NTRK2: variants seen among roughly 807,000 people sequenced by gnomAD.
NTRK2 encodes the protein neurotrophic receptor tyrosine kinase 2, also known as BDNF/NT-3 growth factors receptor.
NTRK2 carries 13 observed loss-of-function variants against 94.5 expected under a neutral mutation model. The observed-to-expected ratio is 0.14, with a 90% CI of 0.09 to 0.22. The LOEUF is 0.22. Ranked by LOEUF, NTRK2 falls within the 10% of genes least tolerant of loss-of-function variation. The pLI, the probability that NTRK2 is intolerant of heterozygous loss-of-function variation, is 1.00. For synonymous variants in NTRK2, 372 were observed against 407.4 expected, an observed-to-expected ratio of 0.91 and a Z score of 1.05; for missense variants, 639 against 1,071.2, an observed-to-expected ratio of 0.60 and a Z score of 5.63.
chr9:84,843,418 G>A (rs2074294914), intron 12 of NTRK2, among the ~76,000 whole-genome samples: 2 of 152,168 alleles, frequency 1.3e-5, no homozygotes, highest in African/African-American at 4.8e-5. Flanking sequence ...TCCGTTAGAG[G>A]TGGCTCCCAC....
intron 12 of NTRK2, among the ~76,000 whole-genome samples, chr9:84,775,820 A>G (rs1012049414): frequency 1.3e-5 from 2 of 152,216 alleles, no homozygotes; most frequent in Admixed American, 6.5e-5. Flanking sequence ...TTTTCAAAAT[A>G]CAGATCTGGG....
chr9:84,731,427 T>C (rs551987018), intron 9 of NTRK2, among the ~76,000 whole-genome samples: 1 of 152,212 alleles, frequency 6.6e-6, no homozygotes, highest in Middle Eastern at 3.4e-3. Flanking sequence ...CAGAGCCAGA[T>C]CCTGTCTCAA....
At chr9:84,706,532 T>TTTTG (rs1554699553) in intron 4 of NTRK2, among the ~76,000 whole-genome samples, 5 of 121,014 alleles carry the variant, frequency 4.1e-5, no homozygotes, top group Non-Finnish European at 7.0e-5. Flanking sequence ...TTTTTGTTTT[T>TTTTG]TTTTTTTTTT....
chr9:84,818,357 G>A (rs2072558821), intron 12 of NTRK2, among the ~76,000 whole-genome samples: 1 of 152,218 alleles, frequency 6.6e-6, no homozygotes. Context: ...GTTCATGCAA[G>A]TGCCCAGTGG....
At chr9:84,724,138 C>G in intron 7 of NTRK2, 86 bp from the exon 8 acceptor site, 1 of 1,400,142 alleles carries the variant, frequency 7.1e-7, no homozygotes, top group Non-Finnish European at 1.0e-6. Flanking sequence ...TACATATTTT[C>G]TCTAGTTAGG....
At chr9:84,775,862 G>A (rs1228102951) in intron 12 of NTRK2, among the ~76,000 whole-genome samples, 3 of 152,114 alleles carry the variant, frequency 2.0e-5, no homozygotes, top group Non-Finnish European at 4.4e-5. Context: ...ATTCAAATCT[G>A]AATTTTAATG....
At chr9:84,836,860 C>G (rs1055152489) in intron 12 of NTRK2, among the ~76,000 whole-genome samples, 2 of 149,764 alleles carry the variant, frequency 1.3e-5, no homozygotes, top group Admixed American at 1.3e-4. Context: ...TCCTGCCAAG[C>G]GAGTGTAACT....
chr9:84,730,805 A>AAAAAAAAAAAAAAC (rs1411254721), intron 9 of NTRK2, among the ~76,000 whole-genome samples: 1 of 148,034 alleles, frequency 6.8e-6, no homozygotes, highest in Non-Finnish European at 1.5e-5. Context: ...AAAAAAAAAA[A>AAAAAAAAAAAAAAC]AAATCCCTGC....
chr9:85,014,259 C>T (rs144433444), intron 17 of NTRK2, among the ~76,000 whole-genome samples: 2 of 152,234 alleles, frequency 1.3e-5, no homozygotes, highest in Non-Finnish European at 2.9e-5. Flanking sequence ...GATGGGGACA[C>T]AAGGAGGATG....
intron 4 of NTRK2, 149 bp downstream of exon 4, chr9:84,702,568 T>C: frequency 1.3e-6 from 1 of 759,828 alleles, no homozygotes; most frequent in Non-Finnish European, 2.3e-6. Flanking sequence ...AGCTCTGATT[T>C]TGTTTGATTT....
intron 16 of NTRK2, 136 bp downstream of exon 16, chr9:84,948,770 C>A: frequency 1.4e-6 from 1 of 706,314 alleles, no homozygotes. Flanking sequence ...CCAGCATATG[C>A]CAGAGAAAGG....
intron 12 of NTRK2, among the ~76,000 whole-genome samples, chr9:84,816,966 G>A (rs2072463030): frequency 6.6e-6 from 1 of 152,134 alleles, no homozygotes; most frequent in African/African-American, 2.4e-5. Flanking sequence ...TCCCAGCTAT[G>A]CTCACGAACA....
chr9:84,852,005 A>G (rs1321376152), intron 12 of NTRK2, among the ~76,000 whole-genome samples: 1 of 152,232 alleles, frequency 6.6e-6, no homozygotes, highest in African/African-American at 2.4e-5. Flanking sequence ...CTTATGCAAG[A>G]AAGAATGGAG....
chr9:84,870,162 T>C (rs1460761465), intron 14 of NTRK2, among the ~76,000 whole-genome samples: 1 of 137,658 alleles, frequency 7.3e-6, no homozygotes, highest in Non-Finnish European at 1.5e-5. Flanking sequence ...CACACATACA[T>C]GTACTGTATA....
intron 14 of NTRK2, among the ~76,000 whole-genome samples, chr9:84,894,127 C>T (rs1283492449): frequency 2.7e-5 from 2 of 73,882 alleles, no homozygotes; most frequent in African/African-American, 9.9e-5. Context: ...CTGGTGAGAC[C>T]CACACTTGGG....
chr9:84,957,335 G>C lies in NTRK2; in HGVS notation c.2172+1818G>C, dbSNP rs937205847. Among the ~76,000 whole-genome samples the C allele has an allele frequency of 4.6e-5, 7 of 152,290 alleles. No homozygotes were observed. In the East Asian group the frequency reaches 1.2e-3, roughly 25 times the overall value. On this transcript the variant is annotated intron_variant, in intron 17 of 18. Coordinates refer to ENST00000277120, the MANE Select transcript of NTRK2 (RefSeq NM_006180.6). The stretch of plus-strand genomic sequence containing the variant: ...CATCTCCAAAGCTAGGACTTAACTG[G>C]ATGGAACCTGGCATCCTCCTCTCTA...
At chr9:84,778,438 C>T (rs980448724) in intron 12 of NTRK2, among the ~76,000 whole-genome samples, 1 of 152,190 alleles carries the variant, frequency 6.6e-6, no homozygotes, top group Non-Finnish European at 1.5e-5. Context: ...TCAGACTTAA[C>T]CAACCAGTGA....
intron 9 of NTRK2, among the ~76,000 whole-genome samples, chr9:84,738,696 C>A (rs1192604696): frequency 6.6e-6 from 1 of 152,138 alleles, no homozygotes; most frequent in African/African-American, 2.4e-5. Context: ...ACGTGCCAGT[C>A]TAACTAAACC....
chr9:84,979,480 A>C (rs983333285), intron 17 of NTRK2, among the ~76,000 whole-genome samples: 4 of 152,216 alleles, frequency 2.6e-5, no homozygotes, highest in African/African-American at 9.7e-5. Context: ...TGAACATATG[A>C]GGAGCTGCTT....
Sources: gnomAD v4.1 joint callset for allele counts (sites outside exome capture counted in the v4.1 genomes callset) on GRCh38, gnomAD v4.1.1 for gene constraint, MANE v1.5 for transcripts, NCBI Gene and HGNC (gene_info 2026-07-23, HGNC 2026-07-21) for gene names.